The following PRR12 variants were observed in gnomAD, a reference collection of about 807,000 sequenced individuals.
PRR12 encodes the protein proline rich 12, also known as proline-rich protein 12.
PRR12 carries 12 observed loss-of-function variants against 138.0 expected under a neutral mutation model. The ratio of observed to expected loss-of-function variants is 0.09; its 90% CI spans 0.06 to 0.14. The LOEUF is 0.14. Ranked by LOEUF, PRR12 falls within the 10% of genes least tolerant of loss-of-function variation. PRR12 has a pLI of 1.00. For missense variants in PRR12, 2,692 were observed against 2,861.3 expected, an observed-to-expected ratio of 0.94 and a Z score of 1.35; for synonymous variants, 1,567 against 1,291.7, an observed-to-expected ratio of 1.21 and a Z score of -4.57.
In PRR12 at chr19:49,615,062, G is replaced by C. The variant is rs534328944; in HGVS notation, c.5024+53G>C. The C allele has an allele frequency of 3.1e-6, 5 of 1,607,032 alleles. No homozygotes were observed. In the African/African-American group the frequency reaches 6.7e-5, roughly 22 times the overall value. ...GGTAGTATGTAGCGCCGACAGGCAT[G>C]GGGATGCGGCATGCAAGAGAGAAGG... On this transcript the variant is annotated intron_variant, in intron 8 of 13. Transcript: ENST00000418929.
At position 49,599,495 on chromosome 19, in the gene PRR12, C is replaced by A. The variant is rs779126530; in HGVS notation, c.3902C>A (p.Ala1301Glu). 1.9e-6 allele frequency: 3 copies of A among 1,599,456 alleles called. No homozygotes were observed. Among genetic ancestry groups the A allele is most frequent in the East Asian group, 2.3e-5 (1 of 44,204 alleles). The change falls in exon 5 of 14, where the codon GCG becomes GAG. Residue 1301 changes from alanine (A) to glutamate (E), a missense_variant. This residue lies in a region of PRR12 where 326 missense variants were observed against 344.2 expected (regional missense o/e 0.95). Transcript: ENST00000418929. The surrounding 1 kb of genome is among the most constrained non-coding windows in gnomAD (Gnocchi z 5.0). The stretch of plus-strand genomic sequence containing the variant: ...AAGCGCCACCCACCACTCTACCAGG[C>A]GGGCCTGACGCCTCCGCTCAGCCCT... ...SGKRHPPLYQ[A>E]GLTPPLSPPK... is the part of the protein sequence containing the mutation.
rs545318142 is a variant in PRR12, at chr19:49,603,410, G to A, written c.4773+1492G>A. Reference sequence around the variant, plus strand: ...GTGTACAGTGTGACATTTAATCTTGGCGGGGCATGGCGGTTCACGCCTGTA... The same window carrying A: ...GTGTACAGTGTGACATTTAATCTTGACGGGGCATGGCGGTTCACGCCTGTA... On this transcript the variant is annotated intron_variant, in intron 6 of 13. Transcript: ENST00000418929. Among the ~76,000 whole-genome samples the A allele has an allele frequency of 1.3e-3, 205 of 152,330 alleles. 1 individual carries two copies. Among genetic ancestry groups the A allele is most frequent in the African/African-American group, 4.8e-3 (200 of 41,566 alleles).
In PRR12 at chr19:49,594,632, C is replaced by T. The variant is rs2080751958; in HGVS notation, c.361+17C>T. On this transcript the variant is annotated intron_variant, in intron 3 of 13. Transcript: ENST00000418929. The surrounding 1 kb of genome is among the most constrained non-coding windows in gnomAD (Gnocchi z 5.6). ...GGCAAACAGGTAAGCCCAGCGCCGG[C>T]CCTGCAGGGCCAGGGTGGGACTGGC... 2 of 1,611,290 alleles carry T rather than the reference C, an allele frequency of 1.2e-6. No individual in the cohort carries two copies. Among genetic ancestry groups the T allele is most frequent in the Non-Finnish European group, 1.7e-6 (2 of 1,179,438 alleles).
Position 49,599,881 on chromosome 19 carries a change from G to C in PRR12, c.4288G>C (p.Val1430Leu), listed in dbSNP as rs1370400806. The C allele has an allele frequency of 6.2e-7, 1 of 1,612,272 alleles. No homozygotes were observed. The highest frequency in any genetic ancestry group is 2.2e-5 in the East Asian group (1 of 44,880). ...DGPPLAPAAA[V>L]PGPPPLPGLP... is the part of the protein sequence containing the mutation. ...GCCGCCCTTGGCCCCCGCGGCTGCA[G>C]TTCCAGGGCCACCCCCTCTTCCGGG... is the stretch of plus-strand genomic sequence containing the variant. The change falls in exon 5 of 14, where the codon GTT becomes CTT. Residue 1430 changes from valine to leucine, a missense_variant. By Grantham distance (32) the Val-to-Leu change is conservative (BLOSUM62 1). Coordinates refer to ENST00000418929, the MANE Select transcript of PRR12 (RefSeq NM_020719.3). This position sits in a 1 kb window ranked among gnomAD's most constrained non-coding sequence, Gnocchi z 5.0.
intron 10 of PRR12, 74 bp downstream of exon 10, chr19:49,620,551 G>A: frequency 6.5e-7 from 1 of 1,537,910 alleles, no homozygotes; most frequent in Non-Finnish European, 8.8e-7. Context: ...GCTTGGACGT[G>A]ATGTGAGAGA....
intron 6 of PRR12, among the ~76,000 whole-genome samples, chr19:49,610,048 C>T (rs1442122982): frequency 1.3e-5 from 2 of 151,914 alleles, no homozygotes; most frequent in East Asian, 3.9e-4. Context: ...GATCTCGGCT[C>T]ACTGCAACTT....
At chr19:49,592,608 G>C (rs2080736230) in intron 1 of PRR12, among the ~76,000 whole-genome samples, 1 of 152,116 alleles carries the variant, frequency 6.6e-6, no homozygotes. Flanking sequence ...ATAACCCCAA[G>C]TGTGTCAGGA....
In PRR12 at chr19:49,595,442, G is replaced by C. The variant is rs1450464668; in HGVS notation, c.1107G>C (p.Gly369=). Reference sequence around the variant, plus strand: ...GGGCCACGGGCCCTGAGGCAGCAGGGGGCGGTGGGGCTGGGGGTGGTGGTG... The same window carrying C: ...GGGCCACGGGCCCTGAGGCAGCAGGCGGCGGTGGGGCTGGGGGTGGTGGTG... ...SGRATGPEAA[G]GGGAGGGGGG... Residue 369 remains glycine (G), a synonymous_variant, in exon 4 of 14, where the codon GGG becomes GGC. Coordinates refer to ENST00000418929, the MANE Select transcript of PRR12 (RefSeq NM_020719.3). 6.5e-7 allele frequency: 1 copy of C among 1,547,910 alleles called. No homozygotes were observed. The highest frequency in any genetic ancestry group is 8.7e-7 in the Non-Finnish European group (1 of 1,146,798).
At chr19:49,617,350 G>T (rs1481847298) in intron 9 of PRR12, among the ~76,000 whole-genome samples, 1 of 152,146 alleles carries the variant, frequency 6.6e-6, no homozygotes, top group Non-Finnish European at 1.5e-5. Context: ...GATGGGGGCT[G>T]GGTGTGGTGG....
At chr19:49,603,232 G>GGAGT (rs2080821330) in intron 6 of PRR12, among the ~76,000 whole-genome samples, 1 of 152,268 alleles carries the variant, frequency 6.6e-6, no homozygotes, top group Admixed American at 6.5e-5. Context: ...AGGTGCCCAT[G>GGAGT]GAGTGCTCTG....
intron 4 of PRR12, among the ~76,000 whole-genome samples, chr19:49,598,827 G>A (rs2080792868): frequency 6.6e-6 from 1 of 152,158 alleles, no homozygotes. Flanking sequence ...AAGAGATAAA[G>A]GAAATTCTGG....
At position 49,594,572 on chromosome 19, in the gene PRR12, C is replaced by T; in HGVS notation, c.318C>T (p.Ala106=). Residue 106 remains alanine (A), a synonymous_variant, in exon 3 of 14, where the codon GCC becomes GCT. Coordinates refer to ENST00000418929, the MANE Select transcript of PRR12 (RefSeq NM_020719.3). This position sits in a 1 kb window ranked among gnomAD's most constrained non-coding sequence, Gnocchi z 5.6. Reference sequence around the variant, plus strand: ...GGGGCCCCCAGCCTGGCCCCTCCGCCTCCTCTCTCCTCTCCCAGTTCCGCA... The same window carrying T: ...GGGGCCCCCAGCCTGGCCCCTCCGCTTCCTCTCTCCTCTCCCAGTTCCGCA... ...ESRGPQPGPS[A]SSLLSQFRSP... is the part of the protein sequence containing the mutation. The T allele has an allele frequency of 1.2e-6, 2 of 1,613,260 alleles. No individual in the cohort carries two copies. The highest frequency in any genetic ancestry group is 1.7e-6 in the Non-Finnish European group (2 of 1,179,826).
intron 5 of PRR12, among the ~76,000 whole-genome samples, chr19:49,600,663 C>G (rs2080805204): frequency 1.3e-5 from 2 of 151,546 alleles, no homozygotes; most frequent in Non-Finnish European, 2.9e-5. Flanking sequence ...AAACAAAAAA[C>G]CCCAAAAACA....
In PRR12 at chr19:49,625,360, T is replaced by G; in HGVS notation, c.5965-101T>G. ...ATGCAGCCCCCAGCCCTGGTCTCCCTGGGACACTGACATCTGACACCCCAG... is the reference window on the plus strand; with the variant it reads ...ATGCAGCCCCCAGCCCTGGTCTCCCGGGGACACTGACATCTGACACCCCAG... On this transcript the variant is annotated intron_variant, in intron 13 of 13. Coordinates refer to ENST00000418929, the MANE Select transcript of PRR12 (RefSeq NM_020719.3). This position sits in a 1 kb window ranked among gnomAD's most constrained non-coding sequence, Gnocchi z 5.5. 6.9e-7 allele frequency: 1 copy of G among 1,445,762 alleles called. No individual in the cohort carries two copies. The highest frequency in any genetic ancestry group is 9.3e-7 in the Non-Finnish European group (1 of 1,069,812). The allele number at this position is 1,445,762 out of a possible 1,614,324, so 89.6% of individuals were successfully genotyped here. A position where few individuals can be genotyped will look rare whatever the true frequency, so the allele number is the denominator to read the frequency against.
Position 49,594,533 on chromosome 19 carries a change from G to A in PRR12, c.279G>A (p.Ser93=), listed in dbSNP as rs369377280. 14 of 1,612,702 alleles carry A rather than the reference G, an allele frequency of 8.7e-6. No homozygotes were observed. Among genetic ancestry groups the A allele is most frequent in the African/African-American group, 8.0e-5 (6 of 74,844 alleles). The change falls in exon 3 of 14, where the codon TCG becomes TCA. Residue 93 remains serine, a synonymous_variant. Coordinates refer to ENST00000418929, the MANE Select transcript of PRR12 (RefSeq NM_020719.3). The surrounding 1 kb of genome is among the most constrained non-coding windows in gnomAD (Gnocchi z 5.6). The part of the protein sequence containing the change: ...GPDASVMNLI[S]ALESRGPQPG... ...ACGCCTCCGTCATGAACCTTATCTC[G>A]GCCCTGGAATCCCGGGGCCCCCAGC...
intron 11 of PRR12, among the ~76,000 whole-genome samples, chr19:49,624,389 C>G (rs2080943207): frequency 1.4e-5 from 2 of 146,722 alleles, no homozygotes; most frequent in African/African-American, 2.5e-5. Context: ...GCTGAGAATT[C>G]TGGGATAGAT....
chr19:49,593,032 C>T (rs1257732797), intron 1 of PRR12, among the ~76,000 whole-genome samples: 1 of 152,150 alleles, frequency 6.6e-6, no homozygotes, highest in African/African-American at 2.4e-5. Context: ...GACGCTTGCT[C>T]TGCCTTGGAC....
At chr19:49,604,405 C>T (rs1160848252) in intron 6 of PRR12, among the ~76,000 whole-genome samples, 1 of 151,408 alleles carries the variant, frequency 6.6e-6, no homozygotes, top group East Asian at 1.9e-4. Context: ...AGGCCAGGTG[C>T]GGTAGCTCAC....
rs1007392094 is a variant in PRR12 at position 49,626,209 on chromosome 19, G to C, written c.*602G>C. 1 of 152,048 alleles carries C rather than the reference G, an allele frequency of 6.6e-6. No individual in the cohort carries two copies. Among genetic ancestry groups the C allele is most frequent in the African/African-American group, 2.4e-5 (1 of 41,354 alleles). The allele number at this position is 152,048 out of a possible 1,614,324, so 9.4% of individuals were successfully genotyped here. ...TCTGCCCCTCCCACTCCTTTTCTAC[G>C]GCGATTTGTCTGTGTCTGGCCCCCA... is the stretch of plus-strand genomic sequence containing the variant. On this transcript the variant is annotated 3_prime_UTR_variant, in exon 14 of 14. Transcript: ENST00000418929.
Sources: gnomAD v4.1 joint callset for allele counts (sites outside exome capture counted in the v4.1 genomes callset) on GRCh38, gnomAD v4.1.1 for gene constraint, gnomAD v4.1.1 regional missense constraint, Gnocchi (gnomAD v3.1) non-coding constraint, MANE v1.5 for transcripts, NCBI Gene and HGNC (gene_info 2026-07-23, HGNC 2026-07-21) for gene names.